NKAIN2: variants seen among roughly 807,000 people sequenced by gnomAD.
NKAIN2 encodes the protein sodium/potassium transporting ATPase interacting 2, also known as sodium/potassium-transporting ATPase subunit beta-1-interacting protein 2.
A neutral mutation model predicts 32.6 loss-of-function variants in NKAIN2; 14 were observed. That is an observed-to-expected ratio of 0.43 (90% CI 0.28 to 0.67). The LOEUF (loss-of-function observed/expected upper bound fraction) is 0.67, where lower values mean the gene tolerates loss of function less well. Among genes scored for constraint, NKAIN2 ranks in the 30% least tolerant of loss-of-function variants. NKAIN2 has a pLI of 0.17. For synonymous variants in NKAIN2, 80 were observed against 87.2 expected, an observed-to-expected ratio of 0.92 and a Z score of 0.46; for missense variants, 198 against 258.3, an observed-to-expected ratio of 0.77 and a Z score of 1.60.
At chr6:124,555,912 C>A (rs1338554812) in intron 3 of NKAIN2, among the ~76,000 whole-genome samples, 14 of 152,154 alleles carry the variant, frequency 9.2e-5, no homozygotes, top group African/African-American at 3.4e-4. Context: ...TGTCACCACA[C>A]CTCTAGTCTT....
chr6:123,908,112 A>G (rs1774981621), intron 1 of NKAIN2, among the ~76,000 whole-genome samples: 2 of 152,286 alleles, frequency 1.3e-5, no homozygotes, highest in South Asian at 2.1e-4. Context: ...TCGATTATCT[A>G]TGTCCAAGAA....
intron 3 of NKAIN2, among the ~76,000 whole-genome samples, chr6:124,499,660 A>C (rs1019919451): frequency 3.9e-5 from 6 of 152,204 alleles, no homozygotes; most frequent in African/African-American, 1.4e-4. Context: ...AAAAGAGATT[A>C]GAAAAAATGG....
intron 1 of NKAIN2, among the ~76,000 whole-genome samples, chr6:124,264,657 A>G (rs1164657068): frequency 6.6e-6 from 1 of 152,326 alleles, no homozygotes; most frequent in South Asian, 2.1e-4. Context: ...CTGTAGAAAA[A>G]GATTGGACCC....
In NKAIN2 at chr6:124,049,507, C is replaced by T. The variant is rs79959298; in HGVS notation, c.55-233498C>T. 2.6e-4 allele frequency among the ~76,000 whole-genome samples: 39 copies of T among 152,132 alleles called. No homozygotes were observed. In the East Asian group the frequency reaches 6.4e-3, roughly 25 times the overall value. On this transcript the variant is annotated intron_variant, in intron 1 of 6. Coordinates refer to ENST00000368417, the MANE Select transcript of NKAIN2 (RefSeq NM_001040214.3). ...TCCATCAAAGTACCCATTTATCACT[C>T]GGTCCACGATGAATTACAGCAGTCC...
intron 2 of NKAIN2, among the ~76,000 whole-genome samples, chr6:124,350,614 T>C (rs1158531121): frequency 6.6e-6 from 1 of 152,198 alleles, no homozygotes; most frequent in Non-Finnish European, 1.5e-5. Context: ...GTTACACCAG[T>C]GTTTTTGGCA....
intron 1 of NKAIN2, among the ~76,000 whole-genome samples, chr6:124,181,541 TG>T (rs1789447078): frequency 6.6e-6 from 1 of 152,122 alleles, no homozygotes; most frequent in African/African-American, 2.4e-5. Context: ...CATATCTCTG[TG>T]AATAAATAAA....
At chr6:124,674,185 T>C (rs1773248058) in intron 4 of NKAIN2, among the ~76,000 whole-genome samples, 1 of 152,016 alleles carries the variant, frequency 6.6e-6, no homozygotes, top group Admixed American at 6.6e-5. Flanking sequence ...CTTTGGCTTA[T>C]TTTGGGGCTC....
intron 3 of NKAIN2, among the ~76,000 whole-genome samples, chr6:124,637,702 G>T (rs1181399568): frequency 6.6e-6 from 1 of 151,728 alleles, no homozygotes; most frequent in Non-Finnish European, 1.5e-5. Flanking sequence ...AATAAATTCA[G>T]CCAAAAGATG....
At chr6:124,156,809 A>T (rs1788007950) in intron 1 of NKAIN2, among the ~76,000 whole-genome samples, 1 of 152,078 alleles carries the variant, frequency 6.6e-6, no homozygotes, top group African/African-American at 2.4e-5. Flanking sequence ...CATGAGAAAA[A>T]ATGATGACCT....
At chr6:124,679,514 G>C (rs568285581) in intron 4 of NKAIN2, among the ~76,000 whole-genome samples, 1 of 152,240 alleles carries the variant, frequency 6.6e-6, no homozygotes, top group African/African-American at 2.4e-5. Context: ...TGATGAATGA[G>C]TGCCATCGAT....
At chr6:124,438,265 G>A (rs546905777) in intron 3 of NKAIN2, among the ~76,000 whole-genome samples, 1 of 151,602 alleles carries the variant, frequency 6.6e-6, no homozygotes, top group Admixed American at 6.6e-5. Context: ...CTTCTATAAT[G>A]TTTTTTTTCC....
chr6:123,872,670 A>G (rs951276669), intron 1 of NKAIN2, among the ~76,000 whole-genome samples: 1 of 152,240 alleles, frequency 6.6e-6, no homozygotes, highest in Non-Finnish European at 1.5e-5. Flanking sequence ...CACAAAGATG[A>G]GTTGATAATC....
At chr6:124,452,486 AAT>A (rs1456759570) in intron 3 of NKAIN2, among the ~76,000 whole-genome samples, 1 of 152,134 alleles carries the variant, frequency 6.6e-6, no homozygotes, top group African/African-American at 2.4e-5. Context: ...TTATCATTAT[AAT>A]TTATAAATGA....
chr6:124,299,789 T>A (rs1212133763), intron 2 of NKAIN2, among the ~76,000 whole-genome samples: 1 of 152,226 alleles, frequency 6.6e-6, no homozygotes, highest in Non-Finnish European at 1.5e-5. Flanking sequence ...CACTGAATGT[T>A]GCCTACGAAA....
intron 3 of NKAIN2, among the ~76,000 whole-genome samples, chr6:124,381,915 C>A (rs1276792103): frequency 1.3e-5 from 2 of 152,100 alleles, no homozygotes; most frequent in Admixed American, 1.3e-4. Context: ...TGTGTTAAAG[C>A]CTAACTTTAA....
chr6:124,747,493 C>T (rs1321398635), intron 4 of NKAIN2, among the ~76,000 whole-genome samples: 1 of 151,718 alleles, frequency 6.6e-6, no homozygotes, highest in Non-Finnish European at 1.5e-5. Context: ...CCCAGCTGCA[C>T]CTTATCAGAG....
chr6:124,769,949 C>T (rs916699396), intron 4 of NKAIN2, among the ~76,000 whole-genome samples: 1 of 152,090 alleles, frequency 6.6e-6, no homozygotes, highest in Non-Finnish European at 1.5e-5. Flanking sequence ...ATATGTCACA[C>T]CTTCTTCTGG....
chr6:124,135,130 A>G (rs1258992254), intron 1 of NKAIN2, among the ~76,000 whole-genome samples: 1 of 152,164 alleles, frequency 6.6e-6, no homozygotes, highest in Non-Finnish European at 1.5e-5. Context: ...AGGGAGTTCT[A>G]AATCTTGAAA....
rs1416844069 is a variant in NKAIN2 at position 124,434,298 on chromosome 6, G to C, written c.273+78951G>C. Among the ~76,000 whole-genome samples the C allele has an allele frequency of 2.0e-5, 3 of 152,230 alleles. No individual in the cohort carries two copies. In the East Asian group the frequency reaches 5.8e-4, roughly 29 times the overall value. On this transcript the variant is annotated intron_variant, in intron 3 of 6. Coordinates refer to ENST00000368417, the MANE Select transcript of NKAIN2 (RefSeq NM_001040214.3). ...GGGGCTTTGCAGGGGACACACATCA[G>C]TACATTTCATATGGGTCAGGTTATT...
Sources: gnomAD v4.1 joint callset for allele counts (sites outside exome capture counted in the v4.1 genomes callset) on GRCh38, gnomAD v4.1.1 for gene constraint, MANE v1.5 for transcripts, NCBI Gene and HGNC (gene_info 2026-07-23, HGNC 2026-07-21) for gene names.